Variants in GNAQ observed in about 807,000 individuals in gnomAD.
GNAQ encodes the protein G protein subunit alpha q.
GNAQ carries 8 observed loss-of-function variants against 43.9 expected under a neutral mutation model. That is an observed-to-expected ratio of 0.18 (90% CI 0.11 to 0.33). The LOEUF is 0.33. Among genes scored for constraint, GNAQ ranks in the 10% least tolerant of loss-of-function variants. GNAQ has a pLI of 1.00. For synonymous variants in GNAQ, 155 were observed against 170.7 expected, an observed-to-expected ratio of 0.91 and a Z score of 0.71; for missense variants, 158 against 450.8, an observed-to-expected ratio of 0.35 and a Z score of 5.88.
chr9:77,995,540 G>C (rs893930599), intron 1 of GNAQ, among the ~76,000 whole-genome samples: 3 of 152,124 alleles, frequency 2.0e-5, no homozygotes, highest in African/African-American at 7.2e-5. Flanking sequence ...GCCCAGGCTT[G>C]AGTGCAGTGG....
At chr9:77,764,368 A>G (rs1826099638) in intron 5 of GNAQ, among the ~76,000 whole-genome samples, 2 of 152,218 alleles carry the variant, frequency 1.3e-5, no homozygotes. Flanking sequence ...CAAGGGCAAT[A>G]TAATACCTTG....
At chr9:77,862,157 T>C (rs898964668) in intron 2 of GNAQ, among the ~76,000 whole-genome samples, 5 of 151,960 alleles carry the variant, frequency 3.3e-5, no homozygotes, top group African/African-American at 1.2e-4. Context: ...AGGTGCATGG[T>C]GCAAGCTCTC....
intron 2 of GNAQ, among the ~76,000 whole-genome samples, chr9:77,836,391 T>C (rs915404194): frequency 6.6e-6 from 1 of 152,202 alleles, no homozygotes; most frequent in Admixed American, 6.5e-5. Flanking sequence ...AAAATGTAGA[T>C]ATGCTTGCAA....
At position 78,031,783 on chromosome 9, in the gene GNAQ, C is replaced by T. The variant is rs1259581199; in HGVS notation, c.-548G>A. Among the ~76,000 whole-genome samples, 1 of 148,562 alleles carries T rather than the reference C, an allele frequency of 6.7e-6. No homozygotes were observed. Among genetic ancestry groups the T allele is most frequent in the Non-Finnish European group, 1.5e-5 (1 of 66,700 alleles). The stretch of plus-strand genomic sequence containing the variant: ...CCGCGCCCACCGCCCGGCTCGCGCG[C>T]AGACCCGGTTCCCGTCCCGCCCGGC... On this transcript the variant is annotated 5_prime_UTR_variant, in exon 1 of 7. Transcript: ENST00000286548.
At chr9:77,954,391 C>G (rs148307932) in intron 1 of GNAQ, among the ~76,000 whole-genome samples, 88 of 152,322 alleles carry the variant, frequency 5.8e-4, no homozygotes, top group African/African-American at 1.9e-3. Flanking sequence ...CTAGGCACAG[C>G]ACCACCATAG....
chr9:77,846,455 G>GA (rs548977635), intron 2 of GNAQ, among the ~76,000 whole-genome samples: 44 of 152,280 alleles, frequency 2.9e-4, no homozygotes, highest in Middle Eastern at 6.8e-3. Context: ...ATTATGATAG[G>GA]AAAAAAGAAT....
At chr9:77,921,495 C>T (rs971993246) in intron 2 of GNAQ, among the ~76,000 whole-genome samples, 3 of 152,206 alleles carry the variant, frequency 2.0e-5, no homozygotes, top group East Asian at 1.9e-4. Flanking sequence ...TGGTATTCTA[C>T]TTCAACCAAG....
intron 1 of GNAQ, among the ~76,000 whole-genome samples, chr9:77,924,947 A>G (rs531272592): frequency 5.3e-5 from 8 of 151,970 alleles, no homozygotes; most frequent in African/African-American, 1.9e-4. Context: ...AGAGGAAACC[A>G]GAGAGCGGGA....
chr9:77,719,443 A>AT lies in GNAQ; in HGVS notation c.*1879_*1880insA, dbSNP rs1825275911. 1 of 232,558 alleles carries AT rather than the reference A, an allele frequency of 4.3e-6. No homozygotes were observed. The highest frequency in any genetic ancestry group is 8.5e-6 in the Non-Finnish European group (1 of 117,692). The allele number at this position is 232,558 out of a possible 1,614,324, so 14.4% of individuals were successfully genotyped here. On this transcript the variant is annotated 3_prime_UTR_variant, in exon 7 of 7. Coordinates refer to ENST00000286548, the MANE Select transcript of GNAQ (RefSeq NM_002072.5). Reference sequence around the variant, plus strand: ...GTACTTTCTGAGCAAGGGAAAAAAAAAGTAAGCTGTGTTGTTTGAGGCTGG... The same window carrying AT: ...GTACTTTCTGAGCAAGGGAAAAAAAATAGTAAGCTGTGTTGTTTGAGGCTGG...
At chr9:77,828,603 T>G (rs1187469168) in intron 2 of GNAQ, among the ~76,000 whole-genome samples, 1 of 152,244 alleles carries the variant, frequency 6.6e-6, no homozygotes, top group Non-Finnish European at 1.5e-5. Flanking sequence ...TAAATTACTT[T>G]AGGTCAGAGA....
At chr9:77,833,143 T>G (rs1012549985) in intron 2 of GNAQ, among the ~76,000 whole-genome samples, 28 of 152,012 alleles carry the variant, frequency 1.8e-4, no homozygotes, top group African/African-American at 6.0e-4. Context: ...ATTTTTGTAT[T>G]TTTTTGTAGA....
Position 77,867,610 on chromosome 9 carries a change from A to G in GNAQ, c.322-51840T>C, listed in dbSNP as rs1017300034. On this transcript the variant is annotated intron_variant, in intron 2 of 6. Transcript: ENST00000286548. ...TGTGAATGAAGTAAAGTCAAGCAGA[A>G]GGAGAGCATGCTTGGGCTTAAACCC... Among the ~76,000 whole-genome samples the G allele has an allele frequency of 2.6e-5, 4 of 152,216 alleles. 1 individual carries two copies. The highest frequency in any genetic ancestry group is 2.6e-4 in the Admixed American group (4 of 15,276).
chr9:77,729,194 A>C (rs1220977535), intron 5 of GNAQ, among the ~76,000 whole-genome samples: 1 of 152,188 alleles, frequency 6.6e-6, no homozygotes, highest in African/African-American at 2.4e-5. Flanking sequence ...ACACATACAC[A>C]CACCCTTTAT....
intron 2 of GNAQ, among the ~76,000 whole-genome samples, chr9:77,845,120 T>C (rs1827563095): frequency 6.6e-6 from 1 of 152,184 alleles, no homozygotes; most frequent in African/African-American, 2.4e-5. Flanking sequence ...CTGTAACTCG[T>C]TGGAAATATA....
At chr9:77,896,381 C>CATACT (rs1322623161) in intron 2 of GNAQ, among the ~76,000 whole-genome samples, 1 of 152,084 alleles carries the variant, frequency 6.6e-6, no homozygotes. Flanking sequence ...AAGATTTTAC[C>CATACT]ATACTATACT....
At chr9:77,855,342 T>A (rs997272123) in intron 2 of GNAQ, among the ~76,000 whole-genome samples, 2 of 152,116 alleles carry the variant, frequency 1.3e-5, no homozygotes, top group African/African-American at 2.4e-5. Context: ...TTATTTTTTT[T>A]AAAGTCCCTT....
At chr9:78,031,062 G>C in intron 1 of GNAQ, 38 bp downstream of exon 1, 1 of 1,383,014 alleles carries the variant, frequency 7.2e-7, no homozygotes, top group South Asian at 1.6e-5. Context: ...GGTGGGCTGG[G>C]GGCGCAGAGG....
chr9:77,829,566 C>A (rs969560628), intron 2 of GNAQ, among the ~76,000 whole-genome samples: 1 of 152,164 alleles, frequency 6.6e-6, no homozygotes, highest in Non-Finnish European at 1.5e-5. Context: ...GCAATGACTG[C>A]GGCTTGAAGC....
chr9:78,029,277 C>CA (rs1023222137), intron 1 of GNAQ, among the ~76,000 whole-genome samples: 23 of 152,022 alleles, frequency 1.5e-4, no homozygotes, highest in African/African-American at 3.9e-4. Context: ...CAAAGACTGT[C>CA]AACAGGGCAA....
Sources: gnomAD v4.1 joint callset for allele counts (sites outside exome capture counted in the v4.1 genomes callset) on GRCh38, gnomAD v4.1.1 for gene constraint, MANE v1.5 for transcripts, NCBI Gene and HGNC (gene_info 2026-07-23, HGNC 2026-07-21) for gene names.